HMCN1: variants seen among roughly 807,000 people sequenced by gnomAD.
The protein encoded by HMCN1 is hemicentin-1.
In HMCN1, 321 loss-of-function variants were observed where a neutral mutation model predicts 625.9. That is an observed-to-expected ratio of 0.51 (90% CI 0.47 to 0.56). The LOEUF is 0.56. HMCN1 is among the 20% of genes least tolerant of loss of function. HMCN1 has a pLI of 0.00. For missense variants in HMCN1, 6,588 were observed against 6,887.3 expected, an observed-to-expected ratio of 0.96 and a Z score of 1.54; for synonymous variants, 2,425 against 2,417.6, an observed-to-expected ratio of 1.00 and a Z score of -0.09.
intron 105 of HMCN1, among the ~76,000 whole-genome samples, chr1:186,186,558 A>G (rs1433445084): frequency 5.3e-5 from 8 of 152,248 alleles, no homozygotes; most frequent in African/African-American, 1.9e-4. Flanking sequence ...AGCTAAGACC[A>G]TCGGTTTGTG....
At chr1:185,958,898 TG>T (rs1399669436) in intron 11 of HMCN1, among the ~76,000 whole-genome samples, 1 of 152,220 alleles carries the variant, frequency 6.6e-6, no homozygotes, top group Non-Finnish European at 1.5e-5. Context: ...TAATAGGCAC[TG>T]ACGGAAGGAA....
intron 1 of HMCN1, among the ~76,000 whole-genome samples, chr1:185,741,643 A>T (rs1202357091): frequency 6.6e-6 from 1 of 152,238 alleles, no homozygotes; most frequent in Admixed American, 6.5e-5. Flanking sequence ...AATTGAACTC[A>T]GGATAGGAGG....
chr1:186,010,179 G>A (rs748064395), intron 30 of HMCN1, among the ~76,000 whole-genome samples: 3 of 152,032 alleles, frequency 2.0e-5, no homozygotes, highest in Non-Finnish European at 4.4e-5. Context: ...GTGCGTGTCT[G>A]TGTGTGTGTC....
At chr1:185,762,155 A>T (rs1179881602) in intron 1 of HMCN1, among the ~76,000 whole-genome samples, 1 of 152,140 alleles carries the variant, frequency 6.6e-6, no homozygotes. Flanking sequence ...GAAGACTTAC[A>T]CTCTAGCCTA....
rs775330667 is a variant in HMCN1, at chr1:186,106,947, T to C, written c.10834T>C (p.Tyr3612His). 4 of 1,609,730 alleles carry C rather than the reference T, an allele frequency of 2.5e-6. No homozygotes were observed. The highest frequency in any genetic ancestry group is 3.4e-6 in the Non-Finnish European group (4 of 1,175,986). ...SSPAGDDDKE[Y>H]LVRVHVPPNI... ...TCCTGCAGGAGATGATGATAAGGAATATCTAGTGAGAGTGCATGGTAAATT... is the reference window on the plus strand; with the variant it reads ...TCCTGCAGGAGATGATGATAAGGAACATCTAGTGAGAGTGCATGGTAAATT... The change falls in exon 70 of 107, where the codon TAT becomes CAT. Residue 3612 changes from tyrosine to histidine, a missense_variant. Transcript: ENST00000271588.
intron 14 of HMCN1, among the ~76,000 whole-genome samples, chr1:185,967,476 A>G (rs1018714843): frequency 1.3e-5 from 2 of 152,174 alleles, no homozygotes; most frequent in Admixed American, 6.6e-5. Context: ...CAACAGAGAT[A>G]GAATATGGGC....
At chr1:186,063,486 GAA>G (rs1657906336) in intron 48 of HMCN1, among the ~76,000 whole-genome samples, 1 of 146,872 alleles carries the variant, frequency 6.8e-6, no homozygotes, top group Non-Finnish European at 1.5e-5. Context: ...AGGAAGGAAG[GAA>G]GGAAGGAAGG....
chr1:185,869,480 C>T (rs1418875195), intron 4 of HMCN1, among the ~76,000 whole-genome samples: 1 of 151,942 alleles, frequency 6.6e-6, no homozygotes, highest in African/African-American at 2.4e-5. Flanking sequence ...AAAACTGTGC[C>T]ATCATGTTTG....
At position 185,734,765 on chromosome 1, in the gene HMCN1, G is replaced by A. The variant is rs543050585; in HGVS notation, c.-15G>A. 1.5e-5 allele frequency: 24 copies of A among 1,613,850 alleles called. No homozygotes were observed. The African/African-American group carries it at 2.4e-4, about 16-fold the overall frequency. ...TTAGGCGCTGAGGGGGAAAAAGAGG[G>A]GGAAAAAAAAGAAAATGATTTCCTG... On this transcript the variant is annotated 5_prime_UTR_variant, in exon 1 of 107. Transcript: ENST00000271588.
intron 1 of HMCN1, among the ~76,000 whole-genome samples, chr1:185,799,212 CA>C (rs1658616338): frequency 6.6e-6 from 1 of 152,168 alleles, no homozygotes; most frequent in Non-Finnish European, 1.5e-5. Context: ...TGCATGTGTG[CA>C]GGCTCATAGT....
intron 54 of HMCN1, among the ~76,000 whole-genome samples, chr1:186,077,429 A>T (rs1658892929): frequency 6.6e-6 from 1 of 152,138 alleles, no homozygotes. Context: ...ACACGGTTAT[A>T]TAAGGGATTA....
rs751281369 is a variant in HMCN1, at chr1:186,137,541, T to C, written c.13626T>C (p.Ser4542=). The C allele has an allele frequency of 6.2e-7, 1 of 1,613,800 alleles. No homozygotes were observed. The highest frequency in any genetic ancestry group is 1.3e-5 in the African/African-American group (1 of 75,042). ...AGTGGTCTGCATGGAGAGCCTGCAGTGTCACCTGTGGAAAAGGCATCCAAA... is the reference window on the plus strand; with the variant it reads ...AGTGGTCTGCATGGAGAGCCTGCAGCGTCACCTGTGGAAAAGGCATCCAAA... The part of the protein sequence containing the change: ...FSQWSAWRAC[S]VTCGKGIQKR... Residue 4542 remains serine (S), a synonymous_variant, in exon 88 of 107, where the codon AGT becomes AGC. Transcript: ENST00000271588.
Position 186,087,655 on chromosome 1 carries a change from T to G in HMCN1, c.9363+10T>G. 1 of 1,611,816 alleles carries G rather than the reference T, an allele frequency of 6.2e-7. No individual in the cohort carries two copies. The highest frequency in any genetic ancestry group is 8.5e-7 in the Non-Finnish European group (1 of 1,178,316). ...CATTAAGAAAGCTGAGGTGCATCTT[T>G]TATTCTTGTTTGAGTGTCATGACAC... On this transcript the variant is annotated intron_variant, in intron 60 of 106. Coordinates refer to ENST00000271588, the MANE Select transcript of HMCN1 (RefSeq NM_031935.3).
intron 102 of HMCN1, among the ~76,000 whole-genome samples, chr1:186,172,919 A>G (rs928295208): frequency 6.6e-6 from 1 of 152,190 alleles, no homozygotes; most frequent in South Asian, 2.1e-4. Flanking sequence ...ATCCAGTAGG[A>G]GTCACTATGA....
chr1:185,930,443 A>G (rs1328746258), intron 10 of HMCN1, among the ~76,000 whole-genome samples: 3 of 152,180 alleles, frequency 2.0e-5, no homozygotes, highest in African/African-American at 7.2e-5. Flanking sequence ...ACTTATCAGC[A>G]CACTGGAATC....
In HMCN1 at chr1:186,150,799, T is replaced by C. The variant is rs547719037; in HGVS notation, c.14609-401T>C. Among the ~76,000 whole-genome samples the C allele has an allele frequency of 3.9e-5, 6 of 152,038 alleles. No homozygotes were observed. The South Asian group carries it at 6.2e-4, about 16-fold the overall frequency. On this transcript the variant is annotated intron_variant, in intron 93 of 106. Transcript: ENST00000271588. ...TTTCTACAAACTTAAAGCTACCTTA[T>C]AGAATTGTTGATAGGATTAAAATGG...
At chr1:186,103,358 C>T (rs1436882428) in intron 68 of HMCN1, 114 bp from the exon 69 acceptor site, 1 of 839,392 alleles carries the variant, frequency 1.2e-6, no homozygotes, top group Admixed American at 2.0e-5. Context: ...TTTCCTTGTT[C>T]TAATCAATTT....
intron 72 of HMCN1, 117 bp from the exon 73 acceptor site, chr1:186,113,862 T>C (rs1208324664): frequency 8.9e-7 from 1 of 1,122,238 alleles, no homozygotes; most frequent in Non-Finnish European, 1.4e-6. Context: ...ACCTAGATTC[T>C]TGTAGACAAA....
intron 104 of HMCN1, among the ~76,000 whole-genome samples, chr1:186,179,610 A>G (rs944275420): frequency 1.3e-5 from 2 of 152,182 alleles, no homozygotes; most frequent in African/African-American, 4.8e-5. Context: ...AGAAGTAAAG[A>G]GGGAGGGAAG....
Sources: allele counts gnomAD v4.1 joint callset (sites outside exome capture counted in the v4.1 genomes callset), GRCh38; gene constraint gnomAD v4.1.1; transcripts MANE v1.5; gene names NCBI Gene and HGNC (gene_info 2026-07-23, HGNC 2026-07-21).